The following ARK2C variants were observed in gnomAD, a reference collection of about 807,000 sequenced individuals.
The protein encoded by ARK2C is E3 ubiquitin-protein ligase ARK2C.
chr18:46,340,263 A>G, the ARK2C span, among the ~76,000 whole-genome samples: 1 of 152,224 alleles, frequency 6.6e-6, no homozygotes, highest in Non-Finnish European at 1.5e-5. Flanking sequence ...GGGAGGGCTT[A>G]TCTTGGAACG....
At chr18:46,361,601 CT>C in the ARK2C span, among the ~76,000 whole-genome samples, 1 of 152,206 alleles carries the variant, frequency 6.6e-6, no homozygotes, top group African/African-American at 2.4e-5. Flanking sequence ...CCTCTTGATC[CT>C]TGTTAATGTT....
chr18:46,447,639 C>T, the ARK2C span: 1 of 1,614,122 alleles, frequency 6.2e-7, no homozygotes, highest in Non-Finnish European at 8.5e-7. Flanking sequence ...TCAGCATTAC[C>T]TAGCCACTCC....
the ARK2C span, among the ~76,000 whole-genome samples, chr18:46,454,474 G>A: frequency 6.6e-6 from 1 of 152,248 alleles, no homozygotes; most frequent in African/African-American, 2.4e-5. Context: ...TCTGGATAAG[G>A]GAAAACTTAT....
the ARK2C span, among the ~76,000 whole-genome samples, chr18:46,384,457 T>C: frequency 2.6e-5 from 4 of 152,224 alleles, no homozygotes; most frequent in Admixed American, 2.0e-4. Flanking sequence ...TCTTAAAATA[T>C]ATCTGGTGGC....
At chr18:46,388,171 A>T in the ARK2C span, among the ~76,000 whole-genome samples, 2 of 152,190 alleles carry the variant, frequency 1.3e-5, no homozygotes, top group Non-Finnish European at 2.9e-5. Flanking sequence ...GCTACATAGT[A>T]AGATGGCATT....
chr18:46,428,363 C>T, the ARK2C span, among the ~76,000 whole-genome samples: 1 of 152,064 alleles, frequency 6.6e-6, no homozygotes, highest in African/African-American at 2.4e-5. Flanking sequence ...GAGCTGAGAT[C>T]GTGCCACTGC....
chr18:46,433,477 C>A, the ARK2C span: 1 of 1,611,564 alleles, frequency 6.2e-7, no homozygotes, highest in South Asian at 1.1e-5. Context: ...CCTGGAAGCC[C>A]AGCACCGCAG....
At chr18:46,426,630 A>G in the ARK2C span, among the ~76,000 whole-genome samples, 1 of 152,170 alleles carries the variant, frequency 6.6e-6, no homozygotes, top group Non-Finnish European at 1.5e-5. Context: ...CACTGTCCTT[A>G]TCAACTCCAG....
At chr18:46,413,388 A>G in the ARK2C span, among the ~76,000 whole-genome samples, 1,798 of 152,166 alleles carry the variant, frequency 0.012, 30 homozygotes, top group African/African-American at 0.041. Flanking sequence ...ACAGCCTTGT[A>G]GGGCTTTCCT....
chr18:46,454,609 G>A, the ARK2C span, among the ~76,000 whole-genome samples: 1 of 152,164 alleles, frequency 6.6e-6, no homozygotes, highest in Non-Finnish European at 1.5e-5. Flanking sequence ...CCAGACTCAG[G>A]ATCTCCAGAG....
chr18:46,375,870 G>A, the ARK2C span, among the ~76,000 whole-genome samples: 1 of 152,174 alleles, frequency 6.6e-6, no homozygotes, highest in Non-Finnish European at 1.5e-5. Context: ...TCCAGGCCCT[G>A]GGCTAAGGGC....
chr18:46,431,628 T>C, the ARK2C span, among the ~76,000 whole-genome samples: 6 of 151,376 alleles, frequency 4.0e-5, 1 homozygote, highest in Admixed American at 4.0e-4. Context: ...TTTCACTTAA[T>C]CCTGCTGTGT....
the ARK2C span, chr18:46,335,323 A>T: frequency 3.3e-5 from 5 of 151,716 alleles, no homozygotes; most frequent in African/African-American, 1.2e-4. Flanking sequence ...CCCTTTCCCC[A>T]CATCCCCTCT....
chr18:46,433,115 CGGGT>C, the ARK2C span: 1 of 1,184,488 alleles, frequency 8.4e-7, no homozygotes, highest in South Asian at 1.6e-5. Context: ...CAGGCTGCCC[CGGGT>C]GGGCACAAGG....
the ARK2C span, among the ~76,000 whole-genome samples, chr18:46,364,038 C>T: frequency 2.1e-4 from 31 of 147,050 alleles, no homozygotes; most frequent in African/African-American, 7.7e-4. Flanking sequence ...ACCTCTGCTT[C>T]CTGGGTTCAA....
the ARK2C span, among the ~76,000 whole-genome samples, chr18:46,341,410 T>C: frequency 1.1e-4 from 17 of 151,422 alleles, no homozygotes; most frequent in African/African-American, 3.4e-4. Flanking sequence ...ATTGAGTCTA[T>C]GTGGAAGGGG....
At chr18:46,433,778 T>G in the ARK2C span, among the ~76,000 whole-genome samples, 3 of 152,352 alleles carry the variant, frequency 2.0e-5, no homozygotes, top group Admixed American at 6.5e-5. Context: ...AGCCAGTGTG[T>G]GTCCCCATTG....
chr18:46,410,218 G>A, the ARK2C span, among the ~76,000 whole-genome samples: 1 of 152,148 alleles, frequency 6.6e-6, no homozygotes, highest in African/African-American at 2.4e-5. Context: ...AGCCAAGCTT[G>A]GCTTCTTGCA....
chr18:46,391,908 A>G, the ARK2C span, among the ~76,000 whole-genome samples: 1 of 151,656 alleles, frequency 6.6e-6, no homozygotes, highest in African/African-American at 2.4e-5. Flanking sequence ...ACACACACCA[A>G]CACACACTTA....
Sources: allele counts gnomAD v4.1 joint callset (sites outside exome capture counted in the v4.1 genomes callset), GRCh38; gene constraint gnomAD v4.1.1; transcripts MANE v1.5; gene names NCBI Gene and HGNC (gene_info 2026-07-23, HGNC 2026-07-21).